ZYG11A: variants seen among roughly 807,000 people sequenced by gnomAD.
ZYG11A encodes the protein protein zyg-11 homolog A.
In ZYG11A, 62 loss-of-function variants were observed where a neutral mutation model predicts 77.2. The ratio of observed to expected loss-of-function variants is 0.80; its 90% CI spans 0.65 to 0.99. The LOEUF is 0.99. ZYG11A is among the 50% of genes least tolerant of loss of function. The probability of loss-of-function intolerance (pLI) is 0.00; values close to 1 mark genes in which losing one functional copy is unlikely to be tolerated. For missense variants in ZYG11A, 828 were observed against 896.8 expected, an observed-to-expected ratio of 0.92 and a Z score of 0.98; for synonymous variants, 315 against 324.6, an observed-to-expected ratio of 0.97 and a Z score of 0.32.
chr1:52,891,763 TTC>T (rs754234377), intron 13 of ZYG11A, among the ~76,000 whole-genome samples: 44 of 151,926 alleles, frequency 2.9e-4, no homozygotes, highest in Non-Finnish European at 6.0e-4. Flanking sequence ...GACCGCCAGT[TTC>T]TTTCTGCCGC....
intron 10 of ZYG11A, among the ~76,000 whole-genome samples, chr1:52,880,576 A>G (rs1232367636): frequency 6.6e-6 from 1 of 152,146 alleles, no homozygotes; most frequent in Non-Finnish European, 1.5e-5. Context: ...ATATACTTAT[A>G]TATATGTATC....
chr1:52,873,255 A>G (rs558450258), intron 8 of ZYG11A, among the ~76,000 whole-genome samples: 3 of 152,310 alleles, frequency 2.0e-5, no homozygotes, highest in South Asian at 2.1e-4. Flanking sequence ...TGAAGCTGCA[A>G]TGAGCGGTGA....
Position 52,886,954 on chromosome 1 carries a change from A to C in ZYG11A, c.2007-2A>C. 6.5e-7 allele frequency: 1 copy of C among 1,531,238 alleles called. No homozygotes were observed. Among genetic ancestry groups the C allele is most frequent in the Non-Finnish European group, 8.8e-7 (1 of 1,130,044 alleles). 94.9% of individuals were successfully genotyped at this position (1,531,238 alleles called of 1,614,324 possible). On this transcript the variant is annotated splice_acceptor_variant, in intron 12 of 13. Transcript: ENST00000371528. LOFTEE classifies it high-confidence loss of function. ...ACATCTTTGTACTTTTTTTTGTTTTAGATCTTTCAAGACATTTTTCCCGCT... is the reference window on the plus strand; with the variant it reads ...ACATCTTTGTACTTTTTTTTGTTTTCGATCTTTCAAGACATTTTTCCCGCT...
Position 52,893,698 on chromosome 1 carries a change from G to C in ZYG11A, c.*741G>C, listed in dbSNP as rs1323840634. Reference sequence around the variant, plus strand: ...GAGGACCACTTGAGCCCAGGAGGCAGAGGTTGCAGTGAGCTGAGATTGCAC... The same window carrying C: ...GAGGACCACTTGAGCCCAGGAGGCACAGGTTGCAGTGAGCTGAGATTGCAC... On this transcript the variant is annotated 3_prime_UTR_variant, in exon 14 of 14. Coordinates refer to ENST00000371528, the MANE Select transcript of ZYG11A (RefSeq NM_001004339.3). The C allele has an allele frequency of 6.6e-6, 1 of 152,130 alleles. No homozygotes were observed. Among genetic ancestry groups the C allele is most frequent in the Non-Finnish European group, 1.5e-5 (1 of 68,128 alleles). The allele number at this position is 152,130 out of a possible 1,614,324, so 9.4% of individuals were successfully genotyped here.
chr1:52,856,826 G>A (rs1645821647), intron 2 of ZYG11A, among the ~76,000 whole-genome samples, 172 bp from the exon 3 acceptor site: 1 of 152,098 alleles, frequency 6.6e-6, no homozygotes, highest in Non-Finnish European at 1.5e-5. Flanking sequence ...TTAATGCAAA[G>A]AATACATGAG....
chr1:52,849,077 T>C (rs1042599378), intron 1 of ZYG11A, among the ~76,000 whole-genome samples: 2 of 152,140 alleles, frequency 1.3e-5, no homozygotes, highest in Admixed American at 1.3e-4. Context: ...CTTTTTCTTT[T>C]TTTTTGAGAC....
chr1:52,870,077 C>T (rs1180218587), intron 8 of ZYG11A, among the ~76,000 whole-genome samples: 3 of 146,734 alleles, frequency 2.0e-5, no homozygotes, highest in Non-Finnish European at 3.0e-5. Flanking sequence ...GGGTCGCGGC[C>T]GGGCAGAGGC....
At chr1:52,855,945 T>C (rs1378559900) in intron 2 of ZYG11A, among the ~76,000 whole-genome samples, 1 of 152,236 alleles carries the variant, frequency 6.6e-6, no homozygotes, top group Non-Finnish European at 1.5e-5. Context: ...TCTGCAGGAA[T>C]GTGTAAGAGT....
At chr1:52,876,530 A>G (rs1441691920) in intron 8 of ZYG11A, among the ~76,000 whole-genome samples, 2 of 152,194 alleles carry the variant, frequency 1.3e-5, no homozygotes, top group Admixed American at 6.5e-5. Flanking sequence ...TATCTGTCAT[A>G]GTAGTAATAG....
At chr1:52,885,686 A>C (rs1646437877) in intron 11 of ZYG11A, 147 bp from the exon 12 acceptor site, 1 of 616,148 alleles carries the variant, frequency 1.6e-6, no homozygotes, top group Non-Finnish European at 2.8e-6. Context: ...CATTGTTAAG[A>C]TATTGTGTGT....
chr1:52,885,369 T>A (rs968377236), intron 11 of ZYG11A, among the ~76,000 whole-genome samples: 10 of 146,128 alleles, frequency 6.8e-5, no homozygotes, highest in Non-Finnish European at 1.2e-4. Flanking sequence ...GCCCGGCTAA[T>A]TTTTTTTTGT....
chr1:52,879,575 T>A, intron 10 of ZYG11A, among the ~76,000 whole-genome samples: 1 of 151,836 alleles, frequency 6.6e-6, no homozygotes, highest in South Asian at 2.1e-4. Context: ...TATAATGTAA[T>A]CAATAAGTGT....
At chr1:52,848,260 CAA>C (rs1397676877) in intron 1 of ZYG11A, among the ~76,000 whole-genome samples, 1 of 152,204 alleles carries the variant, frequency 6.6e-6, no homozygotes, top group East Asian at 1.9e-4. Flanking sequence ...CTTGGCCTTC[CAA>C]AAGTGCTGGG....
intron 8 of ZYG11A, among the ~76,000 whole-genome samples, chr1:52,872,987 T>A (rs1557448536): frequency 6.6e-6 from 1 of 151,822 alleles, no homozygotes; most frequent in East Asian, 1.9e-4. Flanking sequence ...CTGGACAAAG[T>A]AAACTGAAAA....
chr1:52,843,446 C>T (rs1333614536), intron 1 of ZYG11A, among the ~76,000 whole-genome samples: 2 of 152,188 alleles, frequency 1.3e-5, no homozygotes, highest in African/African-American at 4.8e-5. Flanking sequence ...GAGGCGGTGA[C>T]CCTTTGGCCG....
intron 12 of ZYG11A, among the ~76,000 whole-genome samples, chr1:52,886,459 G>C (rs1437040377): frequency 6.6e-6 from 1 of 152,126 alleles, no homozygotes; most frequent in Non-Finnish European, 1.5e-5. Context: ...TTAAATAATA[G>C]CTTCATTGTA....
chr1:52,859,313 G>A (rs917183785), intron 3 of ZYG11A, among the ~76,000 whole-genome samples: 4 of 151,806 alleles, frequency 2.6e-5, no homozygotes, highest in Non-Finnish European at 4.4e-5. Context: ...GTCCGTATAT[G>A]TGTGAGTCTG....
At chr1:52,843,026 C>G (rs1558153506) in intron 1 of ZYG11A, 53 bp downstream of exon 1, 8 of 1,420,178 alleles carry the variant, frequency 5.6e-6, no homozygotes, top group Non-Finnish European at 7.5e-6. Context: ...CGTCCAGCTC[C>G]GGCGAGCGCG....
At position 52,889,903 on chromosome 1, in the gene ZYG11A, C is replaced by T. The variant is rs892231017; in HGVS notation, c.2104+2850C>T. On this transcript the variant is annotated intron_variant, in intron 13 of 13. Transcript: ENST00000371528. Reference sequence around the variant, plus strand: ...AATTTTTTTGTATTTTTAGTAGAGACGGGGTTTCACTGTGTTAGCCAGGAT... The same window carrying T: ...AATTTTTTTGTATTTTTAGTAGAGATGGGGTTTCACTGTGTTAGCCAGGAT... 3.3e-5 allele frequency among the ~76,000 whole-genome samples: 5 copies of T among 151,492 alleles called. No individual in the cohort carries two copies. The South Asian group carries it at 6.3e-4, about 19-fold the overall frequency.
Sources: allele counts gnomAD v4.1 joint callset (sites outside exome capture counted in the v4.1 genomes callset), GRCh38; gene constraint gnomAD v4.1.1; transcripts MANE v1.5; gene names NCBI Gene and HGNC (gene_info 2026-07-23, HGNC 2026-07-21).